The following HDAC4 variants were observed in gnomAD, a reference collection of about 807,000 sequenced individuals.
The protein encoded by HDAC4 is histone deacetylase 4, also known as histone deacetylase A.
A neutral mutation model predicts 135.1 loss-of-function variants in HDAC4; 16 were observed. The ratio of observed to expected loss-of-function variants is 0.12; its 90% CI spans 0.08 to 0.18. HDAC4 has a LOEUF of 0.18. Ranked by LOEUF, HDAC4 falls within the 10% of genes least tolerant of loss-of-function variation. HDAC4 has a pLI of 1.00. For synonymous variants in HDAC4, 685 were observed against 653.4 expected, an observed-to-expected ratio of 1.05 and a Z score of -0.74; for missense variants, 1,143 against 1,511.8, an observed-to-expected ratio of 0.76 and a Z score of 4.05.
intron 24 of HDAC4, among the ~76,000 whole-genome samples, chr2:239,066,507 C>T (rs2033505650): frequency 6.6e-6 from 1 of 152,252 alleles, no homozygotes; most frequent in Non-Finnish European, 1.5e-5. Context: ...GGGCTCCTTC[C>T]AGTCCTGCCC....
rs2052567478 is a variant in HDAC4, at chr2:239,306,119, C to T, written c.22+46559G>A. Among the ~76,000 whole-genome samples the T allele has an allele frequency of 6.6e-6, 1 of 152,188 alleles. No homozygotes were observed. The highest frequency in any genetic ancestry group is 6.5e-5 in the Admixed American group (1 of 15,288). On this transcript the variant is annotated intron_variant, in intron 2 of 26. Coordinates refer to ENST00000543185, the MANE Select transcript of HDAC4 (RefSeq NM_001378414.1). This position sits in a 1 kb window ranked among gnomAD's most constrained non-coding sequence, Gnocchi z 4.5. ...AGGTCCCAAAGAATGCTGCCCACCT[C>T]GGTCAGCCTTGCTTCTAGAAACCGA...
rs1017007114 is a variant in HDAC4 at position 239,052,213 on chromosome 2, G to A, written c.*884C>T. On this transcript the variant is annotated 3_prime_UTR_variant, in exon 27 of 27. Coordinates refer to ENST00000543185, the MANE Select transcript of HDAC4 (RefSeq NM_001378414.1). ...CTTAAACAGCAATAAAGCAAAACAG[G>A]GACCGCCGGGCTGCAGCCCCTGGCC... 1.3e-5 allele frequency: 2 copies of A among 152,300 alleles called. No individual in the cohort carries two copies. The highest frequency in any genetic ancestry group is 4.8e-5 in the African/African-American group (2 of 41,430). 9.4% of individuals were successfully genotyped at this position (152,300 alleles called of 1,614,324 possible). A position where few individuals can be genotyped will look rare whatever the true frequency, so the allele number is the denominator to read the frequency against.
intron 19 of HDAC4, among the ~76,000 whole-genome samples, chr2:239,084,665 C>T (rs1177851006): frequency 6.6e-6 from 1 of 150,384 alleles, no homozygotes; most frequent in African/African-American, 2.5e-5. Context: ...GACACACACA[C>T]CACAGAGACA....
intron 3 of HDAC4, among the ~76,000 whole-genome samples, chr2:239,229,063 A>G (rs1575467590): frequency 6.6e-6 from 1 of 152,048 alleles, no homozygotes; most frequent in African/African-American, 2.4e-5. Flanking sequence ...AATCGCTTGA[A>G]CCTGGGAGGC....
At chr2:239,145,019 G>T (rs1274331355) in intron 7 of HDAC4, among the ~76,000 whole-genome samples, 1 of 152,222 alleles carries the variant, frequency 6.6e-6, no homozygotes, top group Non-Finnish European at 1.5e-5. Context: ...ATGGAAACAG[G>T]ACTGACAAGC....
At position 239,116,410 on chromosome 2, in the gene HDAC4, C is replaced by T. The variant is rs562692288; in HGVS notation, c.1534-1100G>A. 3.9e-5 allele frequency among the ~76,000 whole-genome samples: 6 copies of T among 152,352 alleles called. No homozygotes were observed. In the South Asian group the frequency reaches 1.0e-3, roughly 26 times the overall value. On this transcript the variant is annotated intron_variant, in intron 12 of 26. Coordinates refer to ENST00000543185, the MANE Select transcript of HDAC4 (RefSeq NM_001378414.1). Reference sequence around the variant, plus strand: ...CTCTCTGGCCAGCTGTCCAGTCACACCCCAAGCTCCCAATTCTGTCCGCCA... The same window carrying T: ...CTCTCTGGCCAGCTGTCCAGTCACATCCCAAGCTCCCAATTCTGTCCGCCA...
intron 2 of HDAC4, among the ~76,000 whole-genome samples, chr2:239,318,686 GA>G (rs35112686): frequency 0.018 from 2,521 of 142,198 alleles, 38 homozygotes; most frequent in East Asian, 0.081. Context: ...AAACGATTCT[GA>G]AAAAAAAAAA....
chr2:239,284,345 G>C (rs1173047172), intron 2 of HDAC4, among the ~76,000 whole-genome samples: 1 of 152,210 alleles, frequency 6.6e-6, no homozygotes, highest in Non-Finnish European at 1.5e-5. Context: ...GGCAGAGTGA[G>C]CCAACGCATG....
At position 239,235,255 on chromosome 2, in the gene HDAC4, G is replaced by T. The variant is rs549684455; in HGVS notation, c.94+1338C>A. Among the ~76,000 whole-genome samples the T allele has an allele frequency of 6.2e-3, 947 of 152,248 alleles. 19 individuals are homozygous for T. In the East Asian group the frequency reaches 0.085, roughly 14 times the overall value. ...GACACAGAGAGCCTTCCCGGAGCAGGGCAAAGACACCTCCAGAACTCCGGG... is the reference window on the plus strand; with the variant it reads ...GACACAGAGAGCCTTCCCGGAGCAGTGCAAAGACACCTCCAGAACTCCGGG... On this transcript the variant is annotated intron_variant, in intron 3 of 26. Transcript: ENST00000543185.
At position 239,111,971 on chromosome 2, in the gene HDAC4, G is replaced by A. The variant is rs188625190; in HGVS notation, c.1792-259C>T. 3.3e-5 allele frequency among the ~76,000 whole-genome samples: 5 copies of A among 152,312 alleles called. No homozygotes were observed. The South Asian group carries it at 6.2e-4, about 19-fold the overall frequency. On this transcript the variant is annotated intron_variant, in intron 13 of 26. Transcript: ENST00000543185. ...TCTCTAGGGAAGGCAGGCTGTCCAC[G>A]TGGGATCCTGCCATGGGTTACGTTA...
rs116167464 is a variant in HDAC4, at chr2:239,121,674, C to T, written c.1533+4782G>A. Among the ~76,000 whole-genome samples, 223 of 152,356 alleles carry T rather than the reference C, an allele frequency of 1.5e-3. 2 individuals are homozygous for T. Among genetic ancestry groups the T allele is most frequent in the African/African-American group, 4.7e-3 (196 of 41,590 alleles). On this transcript the variant is annotated intron_variant, in intron 12 of 26. Transcript: ENST00000543185. ...CCTGGAGGAGGGATCATCTCCACAC[C>T]GTGGGCCTCCGGCGAGGGCTCTCAG...
At chr2:239,165,148 G>A (rs555925901) in intron 5 of HDAC4, among the ~76,000 whole-genome samples, 367 of 152,252 alleles carry the variant, frequency 2.4e-3, no homozygotes, top group Non-Finnish European at 3.9e-3. Context: ...ACCTGAGCCC[G>A]GGAAGTCCAG....
chr2:239,066,463 G>A (rs1049728717), intron 24 of HDAC4, among the ~76,000 whole-genome samples: 32 of 152,342 alleles, frequency 2.1e-4, no homozygotes, highest in Middle Eastern at 3.4e-3. Context: ...CAGTCGCACC[G>A]CAGAGGACCC....
At chr2:239,175,649 C>T (rs903812960) in intron 5 of HDAC4, among the ~76,000 whole-genome samples, 2 of 152,362 alleles carry the variant, frequency 1.3e-5, no homozygotes, top group East Asian at 1.9e-4. Flanking sequence ...CTGGCCCTCA[C>T]TGGGCCGTGG....
chr2:239,160,690 C>G (rs914159139), intron 6 of HDAC4, among the ~76,000 whole-genome samples: 2 of 152,192 alleles, frequency 1.3e-5, no homozygotes, highest in African/African-American at 4.8e-5. Context: ...CCAGTTTGCA[C>G]GGTAGCGTGT....
chr2:239,144,472 C>T, intron 8 of HDAC4, 111 bp downstream of exon 8: 1 of 1,390,686 alleles, frequency 7.2e-7, no homozygotes, highest in Non-Finnish European at 1.0e-6. Flanking sequence ...TGGGGGTTGA[C>T]AGCGTGAGGC....
chr2:239,298,969 T>C (rs1027526934), intron 2 of HDAC4, among the ~76,000 whole-genome samples: 1 of 146,978 alleles, frequency 6.8e-6, no homozygotes, highest in Admixed American at 7.0e-5. Flanking sequence ...CCCGGGTTCA[T>C]GCCATTCTCC....
rs749894760 is a variant in HDAC4, at chr2:239,081,174, C to T, written c.2671G>A (p.Val891Met). The stretch of plus-strand genomic sequence containing the variant: ...AAAGCCATGTTGACGTTGAAACCCA[C>T]GCCGGGCCCTGTGCCCACCTGTGGC... ...APDEVGTGPG[V>M]GFNVNMAFTG... Residue 891 changes from valine to methionine, a missense_variant, in exon 22 of 27, where the codon GTG becomes ATG. Coordinates refer to ENST00000543185, the MANE Select transcript of HDAC4 (RefSeq NM_001378414.1). 4.1e-5 allele frequency: 66 copies of T among 1,613,594 alleles called. No individual in the cohort carries two copies. Among genetic ancestry groups the T allele is most frequent in the African/African-American group, 1.9e-4 (14 of 75,064 alleles).
chr2:239,277,138 C>A (rs1400096245), intron 2 of HDAC4, among the ~76,000 whole-genome samples: 5 of 152,178 alleles, frequency 3.3e-5, no homozygotes, highest in Non-Finnish European at 7.3e-5. Flanking sequence ...CCTTGGTGTA[C>A]CCAGCACCTG....
Sources: allele counts gnomAD v4.1 joint callset (sites outside exome capture counted in the v4.1 genomes callset), GRCh38; gene constraint gnomAD v4.1.1; non-coding constraint Gnocchi (gnomAD v3.1); transcripts MANE v1.5; gene names NCBI Gene and HGNC (gene_info 2026-07-23, HGNC 2026-07-21).